Variants in LSAMP observed in about 807,000 individuals in gnomAD.
The protein encoded by LSAMP is limbic system-associated membrane protein.
In LSAMP, 7 loss-of-function variants were observed where a neutral mutation model predicts 38.6. The ratio of observed to expected loss-of-function variants is 0.18; its 90% CI spans 0.10 to 0.34. LSAMP has a LOEUF of 0.34. Ranked by LOEUF, LSAMP falls within the 10% of genes least tolerant of loss-of-function variation. The probability of loss-of-function intolerance (pLI) is 1.00; values close to 1 mark genes in which losing one functional copy is unlikely to be tolerated. For synonymous variants in LSAMP, 154 were observed against 166.8 expected (o/e 0.92, Z 0.59); for missense variants, 313 against 420.0 (o/e 0.75, Z 2.23).
At chr3:116,261,295 G>T (rs528582443) in intron 1 of LSAMP, among the ~76,000 whole-genome samples, 1 of 152,130 alleles carries the variant, frequency 6.6e-6, no homozygotes, top group East Asian at 1.9e-4. Context: ...TCTGATCGTG[G>T]GGCATTCAAA....
At chr3:116,116,111 T>C (rs1708738893) in intron 1 of LSAMP, among the ~76,000 whole-genome samples, 1 of 151,216 alleles carries the variant, frequency 6.6e-6, no homozygotes, top group Non-Finnish European at 1.5e-5. Flanking sequence ...TCTTCTATTT[T>C]CCTTTTTTTT....
At chr3:115,949,354 A>G (rs958649850) in intron 3 of LSAMP, among the ~76,000 whole-genome samples, 2 of 152,174 alleles carry the variant, frequency 1.3e-5, no homozygotes, top group Admixed American at 6.5e-5. Flanking sequence ...TAATCTCACT[A>G]ATGGTCTATC....
intron 3 of LSAMP, 53 bp downstream of exon 3, chr3:116,019,462 A>G: frequency 6.3e-7 from 1 of 1,588,682 alleles, no homozygotes; most frequent in Non-Finnish European, 8.6e-7. Flanking sequence ...TTCCAGGAGC[A>G]TGAGCATATT....
intron 1 of LSAMP, among the ~76,000 whole-genome samples, chr3:116,110,458 G>A (rs1267768534): frequency 1.3e-5 from 2 of 152,208 alleles, no homozygotes; most frequent in East Asian, 3.9e-4. Flanking sequence ...AGGGAAGGCT[G>A]CCTTCCCAGT....
At chr3:116,391,143 C>G (rs1475308159) in intron 1 of LSAMP, among the ~76,000 whole-genome samples, 1 of 152,230 alleles carries the variant, frequency 6.6e-6, no homozygotes, top group Non-Finnish European at 1.5e-5. Context: ...TACTTCTGTA[C>G]TGATTTTTCC....
chr3:115,945,718 T>G (rs1430678538), intron 3 of LSAMP, among the ~76,000 whole-genome samples: 1 of 151,916 alleles, frequency 6.6e-6, no homozygotes, highest in East Asian at 1.9e-4. Context: ...ACCTTAGCTT[T>G]AAGAAAAAAA....
At chr3:115,812,302 A>G (rs1933863033) in intron 6 of LSAMP, among the ~76,000 whole-genome samples, 1 of 152,190 alleles carries the variant, frequency 6.6e-6, no homozygotes, top group African/African-American at 2.4e-5. Flanking sequence ...TTGTTATAGG[A>G]TCATATTAAC....
At chr3:115,828,979 C>G (rs1012711431) in intron 6 of LSAMP, among the ~76,000 whole-genome samples, 3 of 152,076 alleles carry the variant, frequency 2.0e-5, no homozygotes, top group Non-Finnish European at 4.4e-5. Context: ...GTTCTAGGCA[C>G]TAGAAAGGAC....
intron 3 of LSAMP, among the ~76,000 whole-genome samples, chr3:115,955,939 G>C (rs72957706): frequency 6.6e-6 from 1 of 152,136 alleles, no homozygotes; most frequent in Non-Finnish European, 1.5e-5. Flanking sequence ...CATTAGGCCA[G>C]CATCAGGCAT....
chr3:116,057,100 A>G (rs1438916947), intron 2 of LSAMP, among the ~76,000 whole-genome samples: 2 of 152,136 alleles, frequency 1.3e-5, no homozygotes, highest in African/African-American at 4.8e-5. Flanking sequence ...CAGCTTTTCC[A>G]CTGAATGTCA....
intron 1 of LSAMP, among the ~76,000 whole-genome samples, chr3:116,174,660 G>A (rs1252901652): frequency 6.6e-6 from 1 of 151,876 alleles, no homozygotes; most frequent in African/African-American, 2.4e-5. Flanking sequence ...ACCTCATAGG[G>A]TGATTTTTGT....
chr3:115,816,247 G>T (rs1934013444), intron 6 of LSAMP, among the ~76,000 whole-genome samples: 1 of 152,106 alleles, frequency 6.6e-6, no homozygotes, highest in Admixed American at 6.6e-5. Context: ...TGTAAAATAG[G>T]CTCTGCATCT....
chr3:115,899,251 G>T (rs1424035935), intron 3 of LSAMP, among the ~76,000 whole-genome samples: 1 of 151,922 alleles, frequency 6.6e-6, no homozygotes, highest in African/African-American at 2.4e-5. Context: ...CATTTATATA[G>T]GTACAAAGCA....
At chr3:115,891,411 A>G (rs557046690) in intron 3 of LSAMP, among the ~76,000 whole-genome samples, 137 of 152,146 alleles carry the variant, frequency 9.0e-4, no homozygotes, top group African/African-American at 3.2e-3. Flanking sequence ...CTGATGAAAG[A>G]TAAAGGACAT....
chr3:116,063,880 C>T (rs1259381293), intron 2 of LSAMP, among the ~76,000 whole-genome samples: 1 of 152,124 alleles, frequency 6.6e-6, no homozygotes, highest in Non-Finnish European at 1.5e-5. Context: ...GCGTCTAAAC[C>T]AGTTTCCTTC....
intron 1 of LSAMP, among the ~76,000 whole-genome samples, chr3:116,263,232 T>C (rs2046849006): frequency 6.6e-6 from 1 of 152,138 alleles, no homozygotes. Context: ...CAGGAACTGA[T>C]TAACCTACCA....
rs549273245 is a variant in LSAMP at position 116,078,545 on chromosome 3, C to T, written c.388+7779G>A. On this transcript the variant is annotated intron_variant, in intron 2 of 6. Transcript: ENST00000490035. Reference sequence around the variant, plus strand: ...GTTTCACCGTGTTAGCCAGGATGGTCTTGATCTCCTGACCTTGTGATCCAC... The same window carrying T: ...GTTTCACCGTGTTAGCCAGGATGGTTTTGATCTCCTGACCTTGTGATCCAC... 2.0e-3 allele frequency among the ~76,000 whole-genome samples: 301 copies of T among 152,198 alleles called. 4 individuals carry two copies. Among genetic ancestry groups the T allele is most frequent in the African/African-American group, 7.0e-3 (289 of 41,536 alleles).
At chr3:116,028,069 C>T (rs1203227842) in intron 2 of LSAMP, among the ~76,000 whole-genome samples, 1 of 152,102 alleles carries the variant, frequency 6.6e-6, no homozygotes, top group Non-Finnish European at 1.5e-5. Flanking sequence ...TGTTTATTTG[C>T]ATATGTCACA....
At chr3:115,904,431 A>G (rs571377308) in intron 3 of LSAMP, among the ~76,000 whole-genome samples, 3 of 152,300 alleles carry the variant, frequency 2.0e-5, no homozygotes, top group South Asian at 4.1e-4. Context: ...AGTCCCAGAT[A>G]AAATTATAGA....
Sources: allele counts gnomAD v4.1 joint callset (sites outside exome capture counted in the v4.1 genomes callset), GRCh38; gene constraint gnomAD v4.1.1; transcripts MANE v1.5; gene names NCBI Gene and HGNC (gene_info 2026-07-23, HGNC 2026-07-21).